The following OGDHL variants were observed in gnomAD, a reference collection of about 807,000 sequenced individuals.
The protein encoded by OGDHL is oxoglutarate dehydrogenase L.
Under a neutral mutation model 109.6 loss-of-function variants are expected in OGDHL, and 79 were observed. That is an observed-to-expected ratio of 0.72 (90% confidence interval 0.60 to 0.87). The LOEUF is 0.87. Among genes scored for constraint, OGDHL ranks in the 40% least tolerant of loss-of-function variants. The pLI, the probability that OGDHL is intolerant of heterozygous loss-of-function variation, is 0.00. For missense variants in OGDHL, 1,275 were observed against 1,362.2 expected (o/e 0.94, Z 1.01); for synonymous variants, 528 against 537.2 (o/e 0.98, Z 0.24).
chr10:49,740,647 C>A (rs976893335), intron 16 of OGDHL, 63 bp downstream of exon 16: 6 of 1,571,668 alleles, frequency 3.8e-6, no homozygotes, highest in South Asian at 2.4e-5. Context: ...GGTCCCTTCC[C>A]AGCCCATCTC....
rs1236777007 is a variant in OGDHL, at chr10:49,758,611, A to C, written c.-1-18T>G. 8 of 1,612,706 alleles carry C rather than the reference A, an allele frequency of 5.0e-6. No homozygotes were observed. Among genetic ancestry groups the C allele is most frequent in the Non-Finnish European group, 5.9e-6 (7 of 1,179,708 alleles). On this transcript the variant is annotated intron_variant, in intron 1 of 22. Transcript: ENST00000374103. ...GACTCATTCTGGACACAGGCAATGA[A>C]GGAGAGGCATAAATGGCAGGACCAA...
In OGDHL at chr10:49,742,929, C is replaced by T. The variant is rs201612981; in HGVS notation, c.1911G>A (p.Thr637=). 1.1e-5 allele frequency: 17 copies of T among 1,614,028 alleles called. No homozygotes were observed. The highest frequency in any genetic ancestry group is 4.0e-5 in the African/African-American group (3 of 75,078). Residue 637 remains threonine (T), a synonymous_variant, in exon 15 of 23, where the codon ACG becomes ACA. Coordinates refer to ENST00000374103, the MANE Select transcript of OGDHL (RefSeq NM_018245.3). ...RGRADMTKNR[T]VDWALAEYMA... ...TGTACTCTGCCAACGCCCAGTCCAC[C>T]GTCCGGTTCTTGGTCATGTCCGCAC...
At chr10:49,746,027 G>C (rs761024980) in intron 10 of OGDHL, 50 bp from the exon 11 acceptor site, 1 of 1,589,802 alleles carries the variant, frequency 6.3e-7, no homozygotes, top group Non-Finnish European at 8.6e-7. Context: ...CTTAGAGTGA[G>C]ATAGAAGGTG....
chr10:49,743,918 C>T (rs1841983197), intron 14 of OGDHL, 76 bp downstream of exon 14: 1 of 1,550,070 alleles, frequency 6.5e-7, no homozygotes, highest in Middle Eastern at 2.0e-4. Context: ...CTCTTGCATC[C>T]CAACCAATCT....
At position 49,757,275 on chromosome 10, in the gene OGDHL, T is replaced by C. The variant is rs145648641; in HGVS notation, c.205-329A>G. Among the ~76,000 whole-genome samples the C allele has an allele frequency of 5.3e-3, 800 of 152,352 alleles. 10 individuals carry two copies. Among genetic ancestry groups the C allele is most frequent in the African/African-American group, 0.018 (741 of 41,566 alleles). ...TTGCCAAGATACGTTTTAAAGTGAA[T>C]GAAGCAGAAGAGGATGTATGGCTGC... is the stretch of plus-strand genomic sequence containing the variant. On this transcript the variant is annotated intron_variant, in intron 2 of 22. Coordinates refer to ENST00000374103, the MANE Select transcript of OGDHL (RefSeq NM_018245.3).
intron 7 of OGDHL, 57 bp from the exon 8 acceptor site, chr10:49,749,873 C>T: frequency 6.8e-7 from 1 of 1,474,552 alleles, no homozygotes; most frequent in Non-Finnish European, 9.2e-7. Context: ...TCAGGGTTCC[C>T]TCCCCCACTG....
intron 14 of OGDHL, 105 bp downstream of exon 14, chr10:49,743,889 G>T: frequency 7.1e-7 from 1 of 1,412,314 alleles, no homozygotes; most frequent in Non-Finnish European, 9.6e-7. Flanking sequence ...AGACTGAGCA[G>T]GAATGCGACA....
intron 15 of OGDHL, among the ~76,000 whole-genome samples, chr10:49,741,984 A>C (rs201814669): frequency 0.39 from 54,769 of 140,950 alleles, 12,000 homozygotes; most frequent in East Asian, 0.84. Flanking sequence ...CACACACACA[A>C]CCACACACAC....
chr10:49,735,154 C>G lies in OGDHL; in HGVS notation c.*74G>C. 6.4e-7 allele frequency: 1 copy of G among 1,552,056 alleles called. No individual in the cohort carries two copies. Among genetic ancestry groups the G allele is most frequent in the South Asian group, 1.3e-5 (1 of 79,474 alleles). On this transcript the variant is annotated 3_prime_UTR_variant, in exon 23 of 23. Transcript: ENST00000374103. ...CAGCCCCTCTCCTGGGCAGGAGCTC[C>G]GCCCCTCCCCTTTTCATCACCCCCT... is the stretch of plus-strand genomic sequence containing the variant.
chr10:49,755,192 C>T (rs565808177), intron 3 of OGDHL, among the ~76,000 whole-genome samples: 19 of 152,018 alleles, frequency 1.2e-4, no homozygotes, highest in Non-Finnish European at 1.9e-4. Flanking sequence ...TACAGTGAGT[C>T]GAGACTGCAT....
In OGDHL at chr10:49,744,131, G is replaced by A. The variant is rs757002257; in HGVS notation, c.1733-9C>T. The A allele has an allele frequency of 6.2e-7, 1 of 1,613,322 alleles. No individual in the cohort carries two copies. The highest frequency in any genetic ancestry group is 1.3e-5 in the African/African-American group (1 of 75,044). On this transcript the variant is annotated splice_polypyrimidine_tract_variant and intron_variant, in intron 13 of 22. Transcript: ENST00000374103. ...ATCTACGTTGAAGAAGCCTGAGAGG[G>A]AGAGAGGCTCTGTCCACACTGTGTC...
rs1289507074 is a variant in OGDHL at position 49,753,486 on chromosome 10, CATAA to C, written c.376-750_376-747del. On this transcript the variant is annotated intron_variant, in intron 3 of 22. Transcript: ENST00000374103. ...ATGAATAAATATGTCCACTTAGTGG[CATAA>C]ATACAGAGAGAAACCATTCCAATTG... 2.6e-5 allele frequency among the ~76,000 whole-genome samples: 4 copies of C among 152,150 alleles called. No individual in the cohort carries two copies. In the East Asian group the frequency reaches 7.7e-4, roughly 29 times the overall value.
intron 22 of OGDHL, 79 bp from the exon 23 acceptor site, chr10:49,735,430 G>A (rs575296313): frequency 1.3e-6 from 2 of 1,527,564 alleles, no homozygotes; most frequent in South Asian, 2.5e-5. Context: ...GGGACTGCAG[G>A]GGGCACGCAT....
chr10:49,761,128 C>T (rs1229771172), intron 1 of OGDHL, among the ~76,000 whole-genome samples: 1 of 152,118 alleles, frequency 6.6e-6, no homozygotes, highest in Non-Finnish European at 1.5e-5. Context: ...CCTACTAGTT[C>T]CTGCCCATAC....
At chr10:49,739,571 G>C in intron 17 of OGDHL, 90 bp downstream of exon 17, 5 of 1,483,564 alleles carry the variant, frequency 3.4e-6, no homozygotes, top group Non-Finnish European at 4.5e-6. Context: ...GGCATATACC[G>C]TCCAACCCGA....
intron 12 of OGDHL, among the ~76,000 whole-genome samples, 185 bp downstream of exon 12, chr10:49,745,159 T>G (rs1842082031): frequency 6.6e-6 from 1 of 152,264 alleles, no homozygotes; most frequent in South Asian, 2.1e-4. Flanking sequence ...TGTGTCCCAC[T>G]TGGCTGTAAC....
chr10:49,741,962 CTACA>C (rs762472513), intron 15 of OGDHL, among the ~76,000 whole-genome samples: 6 of 115,288 alleles, frequency 5.2e-5, no homozygotes, highest in Non-Finnish European at 7.9e-5. Context: ...ACCACACACA[CTACA>C]TACACTACAC....
chr10:49,748,064 G>A (rs1023494755), intron 8 of OGDHL, among the ~76,000 whole-genome samples: 2 of 152,198 alleles, frequency 1.3e-5, no homozygotes, highest in African/African-American at 2.4e-5. Flanking sequence ...CACTGTGGAT[G>A]GGCTCGCTGA....
intron 2 of OGDHL, 110 bp downstream of exon 2, chr10:49,758,279 G>T (rs567862225): frequency 2.7e-6 from 3 of 1,120,190 alleles, no homozygotes; most frequent in Non-Finnish European, 3.8e-6. Flanking sequence ...AAAGAAACCT[G>T]CCCAGGATCA....
Sources: allele counts gnomAD v4.1 joint callset (sites outside exome capture counted in the v4.1 genomes callset), GRCh38; gene constraint gnomAD v4.1.1; transcripts MANE v1.5; gene names NCBI Gene and HGNC (gene_info 2026-07-23, HGNC 2026-07-21).